The following RELN variants were observed in gnomAD, a reference collection of about 807,000 sequenced individuals.
The protein encoded by RELN is reelin.
In RELN, 108 loss-of-function variants were observed where a neutral mutation model predicts 427.6. The ratio of observed to expected loss-of-function variants is 0.25; its 90% CI spans 0.22 to 0.30. RELN has a LOEUF of 0.30. Among genes scored for constraint, RELN ranks in the 10% least tolerant of loss-of-function variants. The pLI is 1.00. For missense variants in RELN, 3,715 were observed against 4,302.8 expected (o/e 0.86, Z 3.82); for synonymous variants, 1,524 against 1,513.4 (o/e 1.01, Z -0.16).
rs1832924502 is a variant in RELN, at chr7:103,651,910, A to AC, written c.1764-122_1764-121insG. On this transcript the variant is annotated intron_variant, in intron 14 of 64. Coordinates refer to ENST00000428762, the MANE Select transcript of RELN (RefSeq NM_005045.4). The stretch of plus-strand genomic sequence containing the variant: ...TGTAAAAACAGTGTAAAATTTTTTA[A>AC]AGATGCTGTTTCCTAAATGATTGTT... 8.7e-6 allele frequency: 9 copies of AC among 1,030,298 alleles called. No individual in the cohort carries two copies. The South Asian group carries it at 1.3e-4, about 15-fold the overall frequency. 63.8% of individuals were successfully genotyped at this position (1,030,298 alleles called of 1,614,324 possible). A position where few individuals can be genotyped will look rare whatever the true frequency, so the allele number is the denominator to read the frequency against.
intron 2 of RELN, among the ~76,000 whole-genome samples, chr7:103,874,012 T>G (rs1194742708): frequency 6.9e-6 from 1 of 144,738 alleles, no homozygotes; most frequent in Non-Finnish European, 1.5e-5. Flanking sequence ...TCCACCATGA[T>G]CAAGTGGGCT....
At chr7:103,927,080 T>C (rs1460032858) in intron 1 of RELN, among the ~76,000 whole-genome samples, 1 of 152,228 alleles carries the variant, frequency 6.6e-6, no homozygotes, top group African/African-American at 2.4e-5. Context: ...GTATATTATA[T>C]ATGGCATACA....
chr7:103,898,840 G>A (rs1259243668), intron 2 of RELN, among the ~76,000 whole-genome samples: 1 of 151,930 alleles, frequency 6.6e-6, no homozygotes, highest in Non-Finnish European at 1.5e-5. Flanking sequence ...TTAAAAATTA[G>A]CATTTTTAAA....
At chr7:103,753,282 T>C in intron 4 of RELN, 68 bp from the exon 5 acceptor site, 1 of 1,516,358 alleles carries the variant, frequency 6.6e-7, no homozygotes, top group South Asian at 1.1e-5. Context: ...TAATAAAGAG[T>C]CACAACACAG....
At chr7:103,687,742 T>G (rs1833792800) in intron 10 of RELN, among the ~76,000 whole-genome samples, 1 of 152,160 alleles carries the variant, frequency 6.6e-6, no homozygotes, top group Admixed American at 6.6e-5. Context: ...AGTGATTGAA[T>G]GTGTCAGCCT....
intron 11 of RELN, 89 bp from the exon 12 acceptor site, chr7:103,661,616 T>G: frequency 2.6e-4 from 289 of 1,128,846 alleles, no homozygotes; most frequent in Middle Eastern, 9.9e-4. Flanking sequence ...TGAGGGACAC[T>G]TACTTACTTA....
chr7:103,692,132 A>C (rs1448207953), intron 10 of RELN, among the ~76,000 whole-genome samples: 1 of 152,094 alleles, frequency 6.6e-6, no homozygotes, highest in African/African-American at 2.4e-5. Context: ...CTGCCTTATA[A>C]ACTAGACCCT....
intron 42 of RELN, among the ~76,000 whole-genome samples, chr7:103,544,001 T>C (rs1310379464): frequency 6.6e-6 from 1 of 152,172 alleles, no homozygotes; most frequent in Non-Finnish European, 1.5e-5. Flanking sequence ...GAATATTTCA[T>C]AAAGACAGAT....
At chr7:103,557,531 T>C (rs1830552100) in intron 37 of RELN, among the ~76,000 whole-genome samples, 4 of 152,268 alleles carry the variant, frequency 2.6e-5, no homozygotes, top group Admixed American at 2.6e-4. Flanking sequence ...ATATGTATTA[T>C]ATCTACAATC....
intron 3 of RELN, among the ~76,000 whole-genome samples, chr7:103,801,588 G>A (rs187925637): frequency 1.3e-5 from 2 of 152,100 alleles, no homozygotes; most frequent in East Asian, 1.9e-4. Flanking sequence ...TGTGGGGTGG[G>A]GGGCAGGGAG....
intron 16 of RELN, among the ~76,000 whole-genome samples, chr7:103,647,369 T>C (rs1832818939): frequency 6.6e-6 from 1 of 151,982 alleles, no homozygotes; most frequent in Non-Finnish European, 1.5e-5. Context: ...AGATTCAGGA[T>C]ATAAAATCAA....
intron 50 of RELN, among the ~76,000 whole-genome samples, chr7:103,512,350 G>C (rs1829446726): frequency 6.6e-6 from 1 of 152,100 alleles, no homozygotes; most frequent in Non-Finnish European, 1.5e-5. Context: ...AAGAAATTAG[G>C]ATTCTAAGAT....
At position 103,545,634 on chromosome 7, in the gene RELN, T is replaced by A. The variant is rs6976364; in HGVS notation, c.6303-290A>T. Among the ~76,000 whole-genome samples the A allele has an allele frequency of 0.011, 1,745 of 151,856 alleles. 31 individuals are homozygous for A. The highest frequency in any genetic ancestry group is 0.04 in the African/African-American group (1,648 of 41,416). On this transcript the variant is annotated intron_variant, in intron 41 of 64. Coordinates refer to ENST00000428762, the MANE Select transcript of RELN (RefSeq NM_005045.4). ...TCCTTGGTGAAGACTTCTCCATCCT[T>A]ACTATTTTGTTTTATTTTTTTTTTT...
At chr7:103,755,481 G>A (rs892379721) in intron 4 of RELN, among the ~76,000 whole-genome samples, 5 of 151,864 alleles carry the variant, frequency 3.3e-5, no homozygotes, top group Admixed American at 2.0e-4. Flanking sequence ...GGTGGCGGTC[G>A]CCTGTAGTCC....
At chr7:103,483,085 A>G (rs958442845) in intron 62 of RELN, 114 bp from the exon 63 acceptor site, 1 of 826,998 alleles carries the variant, frequency 1.2e-6, no homozygotes, top group African/African-American at 1.7e-5. Context: ...ACAAAATGTT[A>G]TGCATGGAAT....
At chr7:103,748,546 T>C (rs1440957216) in intron 6 of RELN, among the ~76,000 whole-genome samples, 1 of 152,230 alleles carries the variant, frequency 6.6e-6, no homozygotes, top group Admixed American at 6.5e-5. Flanking sequence ...TCTTCTCTAC[T>C]AAACCATTCG....
At chr7:103,743,613 G>A (rs111636095) in intron 6 of RELN, among the ~76,000 whole-genome samples, 2 of 152,050 alleles carry the variant, frequency 1.3e-5, no homozygotes, top group Admixed American at 6.6e-5. Flanking sequence ...GGTTGCAATC[G>A]TAGTCTCAGA....
At chr7:103,584,379 A>T (rs1831222975) in intron 28 of RELN, among the ~76,000 whole-genome samples, 1 of 152,176 alleles carries the variant, frequency 6.6e-6, no homozygotes, top group Non-Finnish European at 1.5e-5. Context: ...AAGATATACC[A>T]CACAAATGGA....
At chr7:103,708,769 T>G (rs1193531855) in intron 8 of RELN, among the ~76,000 whole-genome samples, 1 of 152,172 alleles carries the variant, frequency 6.6e-6, no homozygotes, top group Non-Finnish European at 1.5e-5. Flanking sequence ...GGTTAGTCCT[T>G]CTGCTGGGTT....
Sources: gnomAD v4.1 joint callset for allele counts (sites outside exome capture counted in the v4.1 genomes callset) on GRCh38, gnomAD v4.1.1 for gene constraint, MANE v1.5 for transcripts, NCBI Gene and HGNC (gene_info 2026-07-23, HGNC 2026-07-21) for gene names.